The following HLTF variants were observed in gnomAD, a reference collection of about 807,000 sequenced individuals.
HLTF encodes helicase like transcription factor.
HLTF carries 127 observed loss-of-function variants against 129.4 expected under a neutral mutation model. The ratio of observed to expected loss-of-function variants is 0.98; its 90% CI spans 0.85 to 1.14. The LOEUF (loss-of-function observed/expected upper bound fraction) is 1.14, where lower values mean the gene tolerates loss of function less well. HLTF is among the 50% of genes most tolerant of loss of function. The probability of loss-of-function intolerance (pLI) is 0.00; values close to 1 mark genes in which losing one functional copy is unlikely to be tolerated. For missense variants in HLTF, 1,139 were observed against 1,187.1 expected (o/e 0.96, Z 0.60); for synonymous variants, 332 against 388.8 (o/e 0.85, Z 1.72).
Position 149,035,081 on chromosome 3 carries a change from C to A in HLTF, c.2797-83G>T, listed in dbSNP as rs1030324576. 36 of 1,011,318 alleles carry A rather than the reference C, an allele frequency of 3.6e-5. No homozygotes were observed. The African/African-American group carries it at 4.5e-4, about 13-fold the overall frequency. The allele number at this position is 1,011,318 out of a possible 1,614,324, so 62.6% of individuals were successfully genotyped here. A position where few individuals can be genotyped will look rare whatever the true frequency, so the allele number is the denominator to read the frequency against. On this transcript the variant is annotated intron_variant, in intron 23 of 24. Coordinates refer to ENST00000310053, the MANE Select transcript of HLTF (RefSeq NM_003071.4). ...TTTGTCCTTTCATTTCACTAGTATT[C>A]ATTCATCTTTTTCTGACTGAAAGTT...
At chr3:149,034,324 A>T (rs954832559) in intron 24 of HLTF, among the ~76,000 whole-genome samples, 17 of 152,350 alleles carry the variant, frequency 1.1e-4, no homozygotes, top group Admixed American at 1.1e-3. Context: ...TTTATTAGCA[A>T]AAAACTTAAT....
At position 149,033,816 on chromosome 3, in the gene HLTF, C is replaced by T. The variant is rs140360892; in HGVS notation, c.2877+1102G>A. On this transcript the variant is annotated intron_variant, in intron 24 of 24. Transcript: ENST00000310053. ...TAGTTGAAAAAATGTGAAAATAAAG[C>T]CTTCTGTCCTAGGTAAGACCTTAAA... Among the ~76,000 whole-genome samples, 959 of 152,074 alleles carry T rather than the reference C, an allele frequency of 6.3e-3. 11 individuals carry two copies. The highest frequency in any genetic ancestry group is 0.022 in the African/African-American group (925 of 41,522).
intron 8 of HLTF, among the ~76,000 whole-genome samples, chr3:149,066,084 T>C (rs1240734132): frequency 1.3e-5 from 2 of 152,162 alleles, no homozygotes; most frequent in South Asian, 2.1e-4. Flanking sequence ...TTCACTCTTG[T>C]TGCCCAGGCT....
intron 16 of HLTF, among the ~76,000 whole-genome samples, chr3:149,048,529 C>T (rs999375168): frequency 6.6e-6 from 1 of 152,112 alleles, no homozygotes; most frequent in African/African-American, 2.4e-5. Context: ...AGTAAAGGTA[C>T]TGTGAATGGC....
At chr3:149,061,999 A>T (rs1473883173) in intron 10 of HLTF, among the ~76,000 whole-genome samples, 1 of 152,242 alleles carries the variant, frequency 6.6e-6, no homozygotes, top group Admixed American at 6.5e-5. Context: ...TTAAGTGCCT[A>T]AGAGCAATAA....
chr3:149,071,860 AAC>A (rs2108046623), intron 5 of HLTF, among the ~76,000 whole-genome samples: 1 of 152,286 alleles, frequency 6.6e-6, no homozygotes, highest in Admixed American at 6.5e-5. Flanking sequence ...CAGCCTGGAT[AAC>A]ATAGTGAGAG....
At chr3:149,071,684 T>C (rs370092302) in intron 5 of HLTF, 27 bp from the exon 6 acceptor site, 31 of 1,315,344 alleles carry the variant, frequency 2.4e-5, no homozygotes, top group Non-Finnish European at 8.6e-6. Context: ...CAAGAAACAA[T>C]GTAAAACAAA....
chr3:149,055,235 C>G, intron 14 of HLTF, 68 bp downstream of exon 14: 1 of 1,123,056 alleles, frequency 8.9e-7, no homozygotes, highest in South Asian at 1.3e-5. Flanking sequence ...GACTCTTTAA[C>G]AGAATACTTT....
chr3:149,032,967 AAAAAAAAAAAC>A, intron 24 of HLTF, among the ~76,000 whole-genome samples: 1 of 143,464 alleles, frequency 7.0e-6, no homozygotes, highest in South Asian at 2.2e-4. Context: ...CAAAAAAAAA[AAAAAAAAAAAC>A]AAAAAACTAT....
intron 14 of HLTF, among the ~76,000 whole-genome samples, chr3:149,053,235 T>C (rs995168572): frequency 6.6e-6 from 1 of 152,188 alleles, no homozygotes; most frequent in Admixed American, 6.5e-5. Flanking sequence ...AAATCTCATG[T>C]TGAAATGTAA....
intron 24 of HLTF, among the ~76,000 whole-genome samples, chr3:149,033,639 C>G (rs1300007664): frequency 6.6e-6 from 1 of 151,584 alleles, no homozygotes; most frequent in Non-Finnish European, 1.5e-5. Context: ...ACATTTCATA[C>G]TAGTAGGGAA....
Position 149,085,839 on chromosome 3 carries a change from A to G in HLTF, c.20+478T>C, listed in dbSNP as rs567778692. Reference sequence around the variant, plus strand: ...TACTGGAGCATTGCAAAAAGTTTCCATTCTCCTAAGAACAGTCGCTTATTT... The same window carrying G: ...TACTGGAGCATTGCAAAAAGTTTCCGTTCTCCTAAGAACAGTCGCTTATTT... On this transcript the variant is annotated intron_variant, in intron 1 of 24. Transcript: ENST00000310053. Among the ~76,000 whole-genome samples, 55 of 152,300 alleles carry G rather than the reference A, an allele frequency of 3.6e-4. 1 individual carries two copies. In the South Asian group the frequency reaches 7.3e-3, roughly 20 times the overall value.
Position 149,055,329 on chromosome 3 carries a change from G to C in HLTF, c.1447C>G (p.Pro483Ala), listed in dbSNP as rs202243174. The C allele has an allele frequency of 5.6e-6, 9 of 1,613,424 alleles. No individual in the cohort carries two copies. The highest frequency in any genetic ancestry group is 7.6e-6 in the Non-Finnish European group (9 of 1,179,408). Residue 483 changes from proline (P) to alanine (A), a missense_variant, in exon 14 of 25, where the codon CCG (proline) becomes GCG (alanine). Transcript: ENST00000310053. ...ERPRTTLIIC[P>A]LSVLSNWIDQ... ...ATCCAGTTGCTTAACACAGAAAGCG[G>C]ACAGATGATCAGTGTTGTTCTTGGT...
intron 12 of HLTF, among the ~76,000 whole-genome samples, chr3:149,060,344 C>A (rs1216049111): frequency 6.6e-6 from 1 of 152,120 alleles, no homozygotes; most frequent in Non-Finnish European, 1.5e-5. Context: ...TTTGTAATTA[C>A]TATTCATACT....
Position 149,048,961 on chromosome 3 carries a change from C to T in HLTF, c.1658G>A (p.Arg553Lys). The T allele has an allele frequency of 1.2e-6, 2 of 1,609,092 alleles. No homozygotes were observed. The highest frequency in any genetic ancestry group is 1.1e-5 in the South Asian group (1 of 90,950). Residue 553 changes from arginine (R) to lysine (K), a missense_variant, in exon 16 of 25, where the codon AGA (arginine) becomes AAA (lysine). Arg to Lys is a conservative substitution (Grantham distance 26). Coordinates refer to ENST00000310053, the MANE Select transcript of HLTF (RefSeq NM_003071.4). ...GGCATGTCCTTCATCCAGGATCACTCTTAGCCACCTTATGCTATGTAATGG... is the reference window on the plus strand; with the variant it reads ...GGCATGTCCTTCATCCAGGATCACTTTTAGCCACCTTATGCTATGTAATGG... ...DSPLHSIRWLRVILDEGHAIR... is the reference protein window; with the variant it reads ...DSPLHSIRWLKVILDEGHAIR...
rs775049640 is a variant in HLTF, at chr3:149,084,697, G to A, written c.213C>T (p.Arg71=). Residue 71 remains arginine (R), a synonymous_variant, in exon 2 of 25, where the codon CGC becomes CGT. Coordinates refer to ENST00000310053, the MANE Select transcript of HLTF (RefSeq NM_003071.4). ...GSLRGHVVGL[R]YYTGVVNNNE... The stretch of plus-strand genomic sequence containing the variant: ...TTATACTCACTACTCCCGTGTAATA[G>A]CGTAGTCCAACCACATGACCTCTCA... 1 of 1,611,954 alleles carries A rather than the reference G, an allele frequency of 6.2e-7. No homozygotes were observed. The highest frequency in any genetic ancestry group is 8.5e-7 in the Non-Finnish European group (1 of 1,178,074).
chr3:149,083,942 T>C (rs1203339811), intron 2 of HLTF, among the ~76,000 whole-genome samples: 1 of 138,776 alleles, frequency 7.2e-6, no homozygotes, highest in Non-Finnish European at 1.6e-5. Flanking sequence ...AAAAAAAAAA[T>C]CCAATTCACT....
chr3:149,035,992 G>A (rs1450559825), intron 23 of HLTF, among the ~76,000 whole-genome samples: 6 of 151,616 alleles, frequency 4.0e-5, no homozygotes, highest in East Asian at 4.0e-4. Context: ...AAAATTAGCC[G>A]GGCGTGGTGG....
rs1365116156 is a variant in HLTF at position 149,048,078 on chromosome 3, C to T, written c.1842G>A (p.Trp614Ter). ...KLKPFIDREW[W>*]HRTIQRPVTM... is the part of the protein sequence containing the mutation. ...TGACAGGACGCTGTATTGTTCTATG[C>T]CACCATTCTCTATCAATAAATGGTT... The change falls in exon 17 of 25, where the codon TGG becomes TGA. Residue 614 changes from tryptophan (W) to a stop codon, truncating the protein, a stop_gained. Transcript: ENST00000310053. LOFTEE classifies it high-confidence loss of function. The T allele has an allele frequency of 1.2e-6, 2 of 1,612,412 alleles. No homozygotes were observed. The highest frequency in any genetic ancestry group is 2.2e-5 in the South Asian group (2 of 90,926).
Sources: gnomAD v4.1 joint callset for allele counts (sites outside exome capture counted in the v4.1 genomes callset) on GRCh38, gnomAD v4.1.1 for gene constraint, MANE v1.5 for transcripts, NCBI Gene and HGNC (gene_info 2026-07-23, HGNC 2026-07-21) for gene names.